The following MALRD1 variants were observed in gnomAD, a reference collection of about 807,000 sequenced individuals.
MALRD1 encodes MAM and LDL receptor class A domain containing 1, also known as MAM and LDL-receptor class A domain-containing protein 1.
Under a neutral mutation model 242.1 loss-of-function variants are expected in MALRD1, and 247 were observed. The ratio of observed to expected loss-of-function variants is 1.02; its 90% CI spans 0.92 to 1.13. MALRD1 has a LOEUF of 1.13. Among genes scored for constraint, MALRD1 ranks in the 50% most tolerant of loss-of-function variants. The pLI, the probability that MALRD1 is intolerant of heterozygous loss-of-function variation, is 0.00. For missense variants in MALRD1, 2,989 were observed against 2,533.1 expected (o/e 1.18, Z -3.86); for synonymous variants, 995 against 866.6 (o/e 1.15, Z -2.60).
At chr10:19,270,257 G>A (rs1840151264) in intron 19 of MALRD1, among the ~76,000 whole-genome samples, 1 of 151,780 alleles carries the variant, frequency 6.6e-6, no homozygotes, top group South Asian at 2.1e-4. Context: ...AGAAGTTGCA[G>A]TGATTTGAGA....
chr10:19,200,042 G>T (rs72786532), intron 14 of MALRD1, among the ~76,000 whole-genome samples: 21,264 of 152,022 alleles, frequency 0.14, 1,572 homozygotes, highest in Middle Eastern at 0.2. Context: ...GTCGGAGAAC[G>T]GCCTGAGCCT....
chr10:19,519,599 T>C (rs1833788188), intron 31 of MALRD1, among the ~76,000 whole-genome samples: 1 of 152,036 alleles, frequency 6.6e-6, no homozygotes, highest in African/African-American at 2.4e-5. Context: ...TGAGACCCTG[T>C]TGCTACAATT....
intron 24 of MALRD1, among the ~76,000 whole-genome samples, chr10:19,343,683 C>T (rs190708826): frequency 5.3e-5 from 8 of 152,172 alleles, no homozygotes; most frequent in East Asian, 3.9e-4. Flanking sequence ...GTATAAATCA[C>T]GTTTTCCTTT....
At chr10:19,119,266 T>C (rs577848943) in intron 5 of MALRD1, among the ~76,000 whole-genome samples, 1 of 152,086 alleles carries the variant, frequency 6.6e-6, no homozygotes, top group East Asian at 1.9e-4. Flanking sequence ...AAATCAGAGG[T>C]TTATTGAGGT....
intron 38 of MALRD1, among the ~76,000 whole-genome samples, chr10:19,704,255 A>G (rs999050059): frequency 2.0e-5 from 3 of 152,208 alleles, no homozygotes; most frequent in African/African-American, 7.2e-5. Context: ...GCAACAAAAT[A>G]CCATAAACTC....
At chr10:19,283,874 C>T (rs970223315) in intron 21 of MALRD1, among the ~76,000 whole-genome samples, 4 of 152,150 alleles carry the variant, frequency 2.6e-5, no homozygotes, top group Non-Finnish European at 5.9e-5. Flanking sequence ...GAGAACGCTG[C>T]GGTAGGCACT....
chr10:19,275,694 AT>A (rs1840484665), intron 19 of MALRD1, among the ~76,000 whole-genome samples: 2 of 152,068 alleles, frequency 1.3e-5, no homozygotes, highest in African/African-American at 2.4e-5. Flanking sequence ...AAATAAAATA[AT>A]AAATAAAATC....
chr10:19,435,196 A>T (rs2130961038), intron 28 of MALRD1, among the ~76,000 whole-genome samples: 1 of 151,572 alleles, frequency 6.6e-6, no homozygotes, highest in South Asian at 2.1e-4. Flanking sequence ...GCTTTTACAA[A>T]TTTATTTAAT....
intron 20 of MALRD1, among the ~76,000 whole-genome samples, chr10:19,280,827 G>T (rs1490702490): frequency 1.3e-5 from 2 of 152,190 alleles, no homozygotes; most frequent in African/African-American, 4.8e-5. Context: ...TCTAAGAGGA[G>T]AAAAATTAAT....
At position 19,582,345 on chromosome 10, in the gene MALRD1, T is replaced by A. The variant is rs575325495; in HGVS notation, c.5681-12849T>A. Among the ~76,000 whole-genome samples, 3 of 149,890 alleles carry A rather than the reference T, an allele frequency of 2.0e-5. 1 individual carries two copies. The South Asian group carries it at 6.3e-4, about 32-fold the overall frequency. On this transcript the variant is annotated intron_variant, in intron 33 of 39. Transcript: ENST00000454679. ...TGCCTAGGTTTTCTTCTAGGGTTTT[T>A]ATGGTTTTAGGTCTAACGTTTAAGT...
chr10:19,537,000 A>G (rs928203599), intron 32 of MALRD1, among the ~76,000 whole-genome samples: 2 of 152,174 alleles, frequency 1.3e-5, no homozygotes, highest in Non-Finnish European at 2.9e-5. Context: ...GACTATCTGG[A>G]GAAAAACTGC....
chr10:19,143,413 C>A (rs961507155), intron 10 of MALRD1, among the ~76,000 whole-genome samples: 1 of 152,142 alleles, frequency 6.6e-6, no homozygotes, highest in Non-Finnish European at 1.5e-5. Flanking sequence ...TAGAATGGTG[C>A]CTTCAGCAGA....
rs1230730939 is a variant in MALRD1, at chr10:19,719,171, C to CATATATATATAT, written c.6315-11532_6315-11531insTATATATATATA. Among the ~76,000 whole-genome samples, 33 of 69,596 alleles carry CATATATATATAT rather than the reference C, an allele frequency of 4.7e-4. 2 individuals are homozygous for CATATATATATAT. The highest frequency in any genetic ancestry group is 2.6e-3 in the African/African-American group (32 of 12,402). The allele number at this position is 69,596 out of a possible 152,430, so 45.7% of individuals were successfully genotyped here. ...TGTCCAAATTATATATATATATATA[C>CATATATATATAT]ATACATATATATATATATACATACA... On this transcript the variant is annotated intron_variant, in intron 38 of 39. Coordinates refer to ENST00000454679, the MANE Select transcript of MALRD1 (RefSeq NM_001142308.3).
intron 33 of MALRD1, among the ~76,000 whole-genome samples, chr10:19,585,952 C>G (rs1837370101): frequency 6.6e-6 from 1 of 152,046 alleles, no homozygotes; most frequent in South Asian, 2.1e-4. Flanking sequence ...TCTAAACTTC[C>G]CTTCTCGCTT....
intron 18 of MALRD1, among the ~76,000 whole-genome samples, chr10:19,257,065 C>T (rs1588793243): frequency 6.6e-6 from 1 of 152,176 alleles, no homozygotes; most frequent in East Asian, 1.9e-4. Flanking sequence ...TGTGGTATTT[C>T]ATATTTTACT....
chr10:19,115,287 C>G (rs913709033), intron 5 of MALRD1, among the ~76,000 whole-genome samples: 4 of 152,172 alleles, frequency 2.6e-5, no homozygotes, highest in Admixed American at 1.3e-4. Context: ...CGTGCTCCCT[C>G]TTCTTGGAGA....
intron 34 of MALRD1, among the ~76,000 whole-genome samples, chr10:19,602,918 G>C (rs561277664): frequency 6.6e-6 from 1 of 152,082 alleles, no homozygotes; most frequent in African/African-American, 2.4e-5. Flanking sequence ...TCTCATTGTG[G>C]TTTTGATTTG....
intron 29 of MALRD1, among the ~76,000 whole-genome samples, chr10:19,487,442 T>C (rs964133889): frequency 5.3e-5 from 8 of 151,942 alleles, no homozygotes; most frequent in African/African-American, 1.9e-4. Flanking sequence ...AGCATCACTT[T>C]ATTTCTCTTC....
intron 18 of MALRD1, among the ~76,000 whole-genome samples, chr10:19,254,554 G>T (rs1184415547): frequency 6.6e-6 from 1 of 151,934 alleles, no homozygotes; most frequent in African/African-American, 2.4e-5. Flanking sequence ...ATATGGCTGT[G>T]CCATTTAGGA....
Sources: gnomAD v4.1 joint callset for allele counts (sites outside exome capture counted in the v4.1 genomes callset) on GRCh38, gnomAD v4.1.1 for gene constraint, MANE v1.5 for transcripts, NCBI Gene and HGNC (gene_info 2026-07-23, HGNC 2026-07-21) for gene names.